The following MKLN1 variants were observed in gnomAD, a reference collection of about 807,000 sequenced individuals.
MKLN1 encodes muskelin.
MKLN1 carries 18 observed loss-of-function variants against 99.0 expected under a neutral mutation model. The ratio of observed to expected loss-of-function variants is 0.18; its 90% confidence interval spans 0.13 to 0.27. The LOEUF (loss-of-function observed/expected upper bound fraction) is 0.27, where lower values mean the gene tolerates loss of function less well. MKLN1 is among the 10% of genes least tolerant of loss of function. MKLN1 has a pLI of 1.00. For missense variants in MKLN1, 621 were observed against 875.9 expected, an observed-to-expected ratio of 0.71 and a Z score of 3.67; for synonymous variants, 288 against 293.2, an observed-to-expected ratio of 0.98 and a Z score of 0.18.
chr7:131,373,107 G>A lies in MKLN1; in HGVS notation c.99-2317G>A, dbSNP rs147067671. On this transcript the variant is annotated intron_variant, in intron 1 of 17. Transcript: ENST00000352689. ...ACATATTTGAAATATTTTTGCTATC[G>A]ATTAAATTTTTCTCCTGAAAAGTTA... 3.7e-3 allele frequency among the ~76,000 whole-genome samples: 561 copies of A among 151,832 alleles called. 5 individuals carry two copies. The highest frequency in any genetic ancestry group is 0.014 in the Middle Eastern group (4 of 294).
At chr7:131,172,639 C>A (rs1236633613) in intron 2 of MKLN1, among the ~76,000 whole-genome samples, 3 of 152,046 alleles carry the variant, frequency 2.0e-5, no homozygotes, top group South Asian at 2.1e-4. Context: ...GATGAGCATA[C>A]CTGAAAACCT....
chr7:131,347,462 A>C (rs569698494), intron 1 of MKLN1, among the ~76,000 whole-genome samples: 3 of 152,320 alleles, frequency 2.0e-5, no homozygotes, highest in South Asian at 4.1e-4. Context: ...CATGCACGGC[A>C]AGCATACCTG....
At chr7:131,148,274 A>G (rs759907580) in intron 2 of MKLN1, among the ~76,000 whole-genome samples, 1 of 152,204 alleles carries the variant, frequency 6.6e-6, no homozygotes, top group Non-Finnish European at 1.5e-5. Context: ...TGTTACTCAT[A>G]GGAACTAGCC....
chr7:131,352,372 A>G (rs1799745846), intron 1 of MKLN1, among the ~76,000 whole-genome samples: 1 of 152,196 alleles, frequency 6.6e-6, no homozygotes, highest in African/African-American at 2.4e-5. Context: ...GAGATACTTA[A>G]TGTTACCAGA....
chr7:131,387,890 TGG>T (rs2116884963), intron 3 of MKLN1, among the ~76,000 whole-genome samples: 1 of 152,206 alleles, frequency 6.6e-6, no homozygotes, highest in East Asian at 1.9e-4. Context: ...TTGTGATGGC[TGG>T]GTGTGGTGGC....
In MKLN1 at chr7:131,495,356, C is replaced by T. The variant is rs1381358977; in HGVS notation, c.*7628C>T. The T allele has an allele frequency of 6.6e-6, 1 of 152,104 alleles. No individual in the cohort carries two copies. Among genetic ancestry groups the T allele is most frequent in the East Asian group, 1.9e-4 (1 of 5,186 alleles). The allele number at this position is 152,104 out of a possible 1,614,324, so 9.4% of individuals were successfully genotyped here. A position where few individuals can be genotyped will look rare whatever the true frequency, so the allele number is the denominator to read the frequency against. Reference sequence around the variant, plus strand: ...TCTGTTTGTGAAAACATCTCCTGGACTGGAAATGTGGTGCTGTAACCAGCT... The same window carrying T: ...TCTGTTTGTGAAAACATCTCCTGGATTGGAAATGTGGTGCTGTAACCAGCT... On this transcript the variant is annotated 3_prime_UTR_variant, in exon 18 of 18. Transcript: ENST00000352689.
intron 3 of MKLN1, among the ~76,000 whole-genome samples, chr7:131,249,408 A>G (rs1428348395): frequency 6.6e-6 from 1 of 152,222 alleles, no homozygotes; most frequent in African/African-American, 2.4e-5. Flanking sequence ...GCACCCAACA[A>G]AAGAAGTCTC....
intron 2 of MKLN1, among the ~76,000 whole-genome samples, chr7:131,186,020 G>A (rs1001130734): frequency 1.6e-4 from 24 of 151,472 alleles, no homozygotes; most frequent in African/African-American, 5.1e-4. Context: ...GTGAAACCCC[G>A]TCTTCACTAA....
chr7:131,337,834 G>A (rs1023616246), intron 1 of MKLN1, among the ~76,000 whole-genome samples: 47 of 151,558 alleles, frequency 3.1e-4, no homozygotes, highest in Admixed American at 1.7e-3. Context: ...TTATTATTAG[G>A]CAATTTTTTG....
intron 2 of MKLN1, among the ~76,000 whole-genome samples, chr7:131,178,941 T>C (rs922666890): frequency 3.3e-5 from 5 of 152,340 alleles, no homozygotes; most frequent in Admixed American, 2.6e-4. Flanking sequence ...TTTTACTGTG[T>C]ATTATACTTC....
intron 1 of MKLN1, among the ~76,000 whole-genome samples, chr7:131,114,292 G>T (rs574621443): frequency 6.6e-4 from 101 of 152,270 alleles, no homozygotes; most frequent in African/African-American, 2.3e-3. Context: ...GTTGTGGAGT[G>T]AAGGTAATTA....
At chr7:131,172,003 G>A (rs527451771) in intron 2 of MKLN1, among the ~76,000 whole-genome samples, 1 of 152,176 alleles carries the variant, frequency 6.6e-6, no homozygotes, top group African/African-American at 2.4e-5. Context: ...TTGGGGCCAG[G>A]TGGAGAAGAG....
chr7:131,243,929 C>T (rs1328404474), intron 3 of MKLN1, among the ~76,000 whole-genome samples: 5 of 152,046 alleles, frequency 3.3e-5, no homozygotes, highest in South Asian at 2.1e-4. Context: ...GCAGGAGAAT[C>T]GCTTGAACCA....
chr7:131,143,021 CT>C (rs1795759927), intron 2 of MKLN1: 1 of 1,034,062 alleles, frequency 9.7e-7, no homozygotes, highest in East Asian at 6.0e-5. Context: ...TTTTCAAATT[CT>C]TCTCTCTGGA....
intron 8 of MKLN1, among the ~76,000 whole-genome samples, chr7:131,422,328 A>G (rs1795230355): frequency 6.6e-6 from 1 of 152,178 alleles, no homozygotes; most frequent in Non-Finnish European, 1.5e-5. Context: ...TGGAAGGATC[A>G]CTTGAGGCTG....
intron 1 of MKLN1, among the ~76,000 whole-genome samples, chr7:131,369,187 C>T (rs559024319): frequency 8.2e-4 from 125 of 152,180 alleles, no homozygotes; most frequent in Admixed American, 3.9e-3. Context: ...TCAAAAAATG[C>T]GGCATCAAAC....
chr7:131,432,440 TGTTA>T (rs376168720), intron 9 of MKLN1, among the ~76,000 whole-genome samples: 477 of 152,302 alleles, frequency 3.1e-3, no homozygotes, highest in African/African-American at 0.011. Flanking sequence ...GAACACTTTC[TGTTA>T]GTTCAAAGTC....
At chr7:131,271,677 C>G (rs1490193262) in intron 3 of MKLN1, among the ~76,000 whole-genome samples, 1 of 151,348 alleles carries the variant, frequency 6.6e-6, no homozygotes, top group Admixed American at 6.6e-5. Context: ...AATCCCAGCA[C>G]TTTGGGAGGC....
intron 6 of MKLN1, among the ~76,000 whole-genome samples, chr7:131,407,913 T>G (rs945546165): frequency 5.9e-5 from 9 of 152,112 alleles, no homozygotes; most frequent in Admixed American, 3.3e-4. Context: ...CATAAAAGAT[T>G]GTTAATTTTC....
Sources: gnomAD v4.1 joint callset for allele counts (sites outside exome capture counted in the v4.1 genomes callset) on GRCh38, gnomAD v4.1.1 for gene constraint, MANE v1.5 for transcripts, NCBI Gene and HGNC (gene_info 2026-07-23, HGNC 2026-07-21) for gene names.